DIP2B: variants seen among roughly 807,000 people sequenced by gnomAD.
DIP2B encodes DIP2 acetate--CoA ligase B (putative), also known as disco-interacting protein 2 homolog B.
A neutral mutation model predicts 198.0 loss-of-function variants in DIP2B; 76 were observed. That is an observed-to-expected ratio of 0.38 (90% CI 0.32 to 0.46). The LOEUF is 0.46. Among genes scored for constraint, DIP2B ranks in the 20% least tolerant of loss-of-function variants. The probability of loss-of-function intolerance (pLI) is 0.99; values close to 1 mark genes in which losing one functional copy is unlikely to be tolerated. For synonymous variants in DIP2B, 701 were observed against 739.1 expected (o/e 0.95, Z 0.84); for missense variants, 1,559 against 1,978.4 (o/e 0.79, Z 4.02).
chr12:50,542,802 C>T (rs1182805786), intron 1 of DIP2B, among the ~76,000 whole-genome samples: 2 of 152,184 alleles, frequency 1.3e-5, no homozygotes. Context: ...AAGAATATGA[C>T]ACAATAACTA....
At chr12:50,629,561 A>C (rs1447737873) in intron 2 of DIP2B, among the ~76,000 whole-genome samples, 1 of 152,212 alleles carries the variant, frequency 6.6e-6, no homozygotes, top group Non-Finnish European at 1.5e-5. Context: ...ATTTGAATTT[A>C]GGTAACTCCT....
chr12:50,717,042 A>G (rs1316709743), intron 23 of DIP2B, among the ~76,000 whole-genome samples: 2 of 131,932 alleles, frequency 1.5e-5, no homozygotes, highest in Non-Finnish European at 3.1e-5. Flanking sequence ...GCTCACTGCA[A>G]CCTCTGCCAC....
chr12:50,505,023 G>C lies in DIP2B; in HGVS notation c.-118G>C. The stretch of plus-strand genomic sequence containing the variant: ...TCATGGCGGCGGCGGCGGCGGCGGC[G>C]GTGCTGGTGGTGCTCGGCGGCCGGA... On this transcript the variant is annotated 5_prime_UTR_variant, in exon 1 of 38. Coordinates refer to ENST00000301180, the MANE Select transcript of DIP2B (RefSeq NM_173602.3). The C allele has an allele frequency of 9.5e-7, 1 of 1,051,028 alleles. No homozygotes were observed. The highest frequency in any genetic ancestry group is 1.4e-6 in the Non-Finnish European group (1 of 731,998). The allele number at this position is 1,051,028 out of a possible 1,614,324, so 65.1% of individuals were successfully genotyped here.
At chr12:50,637,249 A>T (rs1938177228) in intron 2 of DIP2B, among the ~76,000 whole-genome samples, 1 of 152,210 alleles carries the variant, frequency 6.6e-6, no homozygotes, top group Non-Finnish European at 1.5e-5. Context: ...AAATATTATT[A>T]TCATTGATAT....
intron 9 of DIP2B, 97 bp downstream of exon 9, chr12:50,680,860 A>C: frequency 8.8e-7 from 1 of 1,138,262 alleles, no homozygotes; most frequent in South Asian, 1.4e-5. Flanking sequence ...CAACAGGAAA[A>C]TTTATGTAAC....
chr12:50,660,165 C>T, intron 3 of DIP2B, 29 bp from the exon 4 acceptor site: 6 of 1,583,308 alleles, frequency 3.8e-6, no homozygotes, highest in Non-Finnish European at 4.3e-6. Flanking sequence ...GAGCCGGAAG[C>T]TAATAAATGC....
At chr12:50,699,016 A>T in intron 18 of DIP2B, 50 bp from the exon 19 acceptor site, 1 of 1,596,854 alleles carries the variant, frequency 6.3e-7, no homozygotes, top group Middle Eastern at 1.7e-4. Context: ...GTTATTTTAC[A>T]AAAGTTTTCT....
chr12:50,505,742 C>T (rs1480490598), intron 1 of DIP2B, among the ~76,000 whole-genome samples: 1 of 152,132 alleles, frequency 6.6e-6, no homozygotes, highest in Non-Finnish European at 1.5e-5. Context: ...GATGCCTCCC[C>T]AGTGACAGGA....
In DIP2B at chr12:50,698,355, AG is replaced by A. The variant is rs1939355649; in HGVS notation, c.2078del (p.Gly693GlufsTer7). ...RPGVPGAPLP[G>X]RAILSMNGLS... ...CTGGAGTTCCAGGAGCCCCTTTGCC[AG>A]GAAGAGCCATTCTCTCAATGAATGG... On this transcript the variant is annotated frameshift_variant, in exon 18 of 38. Coordinates refer to ENST00000301180, the MANE Select transcript of DIP2B (RefSeq NM_173602.3). LOFTEE classifies it high-confidence loss of function. 6.2e-7 allele frequency: 1 copy of A among 1,613,330 alleles called. No homozygotes were observed. The highest frequency in any genetic ancestry group is 8.5e-7 in the Non-Finnish European group (1 of 1,179,690).
At chr12:50,661,722 T>C (rs922997606) in intron 4 of DIP2B, among the ~76,000 whole-genome samples, 24 of 152,354 alleles carry the variant, frequency 1.6e-4, no homozygotes, top group African/African-American at 5.5e-4. Flanking sequence ...GTTTAGTAGC[T>C]ATTCCTTTTT....
At chr12:50,554,170 T>G (rs927371231) in intron 1 of DIP2B, among the ~76,000 whole-genome samples, 10 of 152,174 alleles carry the variant, frequency 6.6e-5, no homozygotes, top group African/African-American at 2.4e-4. Context: ...CCCTCATATC[T>G]TTAAGCAACA....
chr12:50,589,238 G>GTT (rs576557950), intron 1 of DIP2B, among the ~76,000 whole-genome samples: 150 of 126,780 alleles, frequency 1.2e-3, no homozygotes, highest in Non-Finnish European at 1.1e-3. Context: ...GTTTGTCTTT[G>GTT]TTTTTTTTTT....
intron 1 of DIP2B, among the ~76,000 whole-genome samples, chr12:50,518,306 G>T (rs1284364661): frequency 6.6e-6 from 1 of 150,884 alleles, no homozygotes; most frequent in African/African-American, 2.4e-5. Flanking sequence ...CTCGCTGCAA[G>T]CTCCGCCCCC....
At chr12:50,653,550 C>T (rs1938500067) in intron 3 of DIP2B, among the ~76,000 whole-genome samples, 1 of 151,738 alleles carries the variant, frequency 6.6e-6, no homozygotes, top group Non-Finnish European at 1.5e-5. Flanking sequence ...CCATGTTGCC[C>T]AGGCTGGTCT....
chr12:50,650,249 T>A (rs1404920894), intron 3 of DIP2B, among the ~76,000 whole-genome samples: 2 of 152,164 alleles, frequency 1.3e-5, no homozygotes, highest in African/African-American at 2.4e-5. Flanking sequence ...CACAAAACTT[T>A]CCTATAATCC....
At chr12:50,721,000 G>T in intron 25 of DIP2B, among the ~76,000 whole-genome samples, 1 of 152,094 alleles carries the variant, frequency 6.6e-6, no homozygotes, top group East Asian at 1.9e-4. Flanking sequence ...GTGGAGAGGA[G>T]ATCTTGCTGT....
chr12:50,597,592 G>T (rs1958889573), intron 1 of DIP2B, among the ~76,000 whole-genome samples: 1 of 152,202 alleles, frequency 6.6e-6, no homozygotes, highest in African/African-American at 2.4e-5. Flanking sequence ...GATGCGTGTT[G>T]TCTGATGGAT....
intron 14 of DIP2B, among the ~76,000 whole-genome samples, chr12:50,693,746 AGGGACAT>A (rs1280204524): frequency 6.6e-6 from 1 of 152,226 alleles, no homozygotes; most frequent in African/African-American, 2.4e-5. Context: ...AGTGCAAGAT[AGGGACAT>A]GTGTGAAGAA....
chr12:50,602,551 C>T, intron 1 of DIP2B, among the ~76,000 whole-genome samples: 1 of 152,190 alleles, frequency 6.6e-6, no homozygotes, highest in East Asian at 1.9e-4. Flanking sequence ...GCCACTAAGT[C>T]CAGCCTAAAT....
Sources: gnomAD v4.1 joint callset for allele counts (sites outside exome capture counted in the v4.1 genomes callset) on GRCh38, gnomAD v4.1.1 for gene constraint, MANE v1.5 for transcripts, NCBI Gene and HGNC (gene_info 2026-07-23, HGNC 2026-07-21) for gene names.